Variants in C11orf65 observed in about 807,000 individuals in gnomAD.
C11orf65 encodes the protein chromosome 11 open reading frame 65.
In C11orf65, 38 loss-of-function variants were observed where a neutral mutation model predicts 35.3. That is an observed-to-expected ratio of 1.08 (90% CI 0.83 to 1.41). The LOEUF (loss-of-function observed/expected upper bound fraction) is 1.41, where lower values mean the gene tolerates loss of function less well. Among genes scored for constraint, C11orf65 ranks in the 40% most tolerant of loss-of-function variants. C11orf65 has a pLI of 0.00. For missense variants in C11orf65, 370 were observed against 367.1 expected (o/e 1.01, Z -0.06); for synonymous variants, 105 against 114.4 (o/e 0.92, Z 0.53).
intron 6 of C11orf65, among the ~76,000 whole-genome samples, chr11:108,402,404 G>A (rs919680538): frequency 1.3e-5 from 2 of 152,078 alleles, no homozygotes; most frequent in Non-Finnish European, 2.9e-5. Flanking sequence ...CAAAAGACCT[G>A]GCAGAGTTAA....
At chr11:108,433,296 T>C (rs1229982475) in intron 2 of C11orf65, among the ~76,000 whole-genome samples, 2 of 149,966 alleles carry the variant, frequency 1.3e-5, no homozygotes, top group Non-Finnish European at 1.5e-5. Context: ...TATATATATA[T>C]GCCGGGCTCA....
chr11:108,458,863 T>C (rs1298609121), intron 2 of C11orf65, among the ~76,000 whole-genome samples: 3 of 152,062 alleles, frequency 2.0e-5, no homozygotes, highest in Non-Finnish European at 4.4e-5. Flanking sequence ...TTCTGGTAAA[T>C]GGAAAGTGGT....
chr11:108,463,449 T>C (rs758488179), intron 1 of C11orf65, among the ~76,000 whole-genome samples: 26 of 152,256 alleles, frequency 1.7e-4, no homozygotes, highest in Non-Finnish European at 3.5e-4. Context: ...AGGTTCGCTA[T>C]GAAAAAAACT....
Position 108,348,252 on chromosome 11 carries a change from AAG to A in C11orf65, c.227-12962_227-12961del, listed in dbSNP as rs545034465. On this transcript the variant is annotated intron_variant, in intron 2 of 3. Coordinates refer to the C11orf65 transcript ENST00000524755. ...TATATAGACAGTTTAATATAAAAGA[AAG>A]AGAATATATATAGCTAAGGAATATA... Among the ~76,000 whole-genome samples, 517 of 151,672 alleles carry A rather than the reference AAG, an allele frequency of 3.4e-3. 1 individual carries two copies. Among genetic ancestry groups the A allele is most frequent in the African/African-American group, 8.4e-3 (346 of 41,412 alleles).
At chr11:108,417,476 G>A (rs1257296687) in intron 3 of C11orf65, among the ~76,000 whole-genome samples, 1 of 151,912 alleles carries the variant, frequency 6.6e-6, no homozygotes, top group African/African-American at 2.4e-5. Context: ...CCGGGAGGTG[G>A]AGGTTGCAGT....
chr11:108,459,726 TACACACACACACACAC>T (rs60928526), intron 2 of C11orf65, among the ~76,000 whole-genome samples: 91 of 138,662 alleles, frequency 6.6e-4, no homozygotes, highest in Middle Eastern at 3.5e-3. Flanking sequence ...GTCCTCCGTC[TACACACACACACACAC>T]ACACACACAC....
intron 3 of C11orf65, among the ~76,000 whole-genome samples, chr11:108,428,697 GA>G (rs1168355927): frequency 5.3e-5 from 8 of 152,152 alleles, no homozygotes; most frequent in African/African-American, 1.9e-4. Flanking sequence ...AGCGTTAGGA[GA>G]AATACCTAAT....
At chr11:108,373,811 C>A (rs2091639108) in intron 2 of C11orf65, among the ~76,000 whole-genome samples, 1 of 152,204 alleles carries the variant, frequency 6.6e-6, no homozygotes, top group East Asian at 1.9e-4. Context: ...AAAATCGGGC[C>A]ACTCCCACCC....
intron 2 of C11orf65, among the ~76,000 whole-genome samples, chr11:108,362,497 C>T (rs1463276594): frequency 6.7e-6 from 1 of 149,570 alleles, no homozygotes; most frequent in African/African-American, 2.4e-5. Context: ...GACACATGCA[C>T]ACGTATGTTT....
intron 2 of C11orf65, among the ~76,000 whole-genome samples, chr11:108,360,545 C>T (rs1016635832): frequency 4.3e-5 from 6 of 139,166 alleles, no homozygotes; most frequent in Admixed American, 1.5e-4. Context: ...CAAAAATCCT[C>T]AATAAAATAC....
At chr11:108,408,917 A>G (rs972029327) in intron 3 of C11orf65, among the ~76,000 whole-genome samples, 2 of 151,966 alleles carry the variant, frequency 1.3e-5, no homozygotes, top group African/African-American at 4.8e-5. Context: ...GACAACATTA[A>G]TTTTGCAGAA....
chr11:108,315,780 AT>A (rs778594061), intron 6 of C11orf65: 4 of 1,522,550 alleles, frequency 2.6e-6, no homozygotes, highest in Non-Finnish European at 3.6e-6. Flanking sequence ...TTATAGACCG[AT>A]TTTTTTTCCT....
intron 2 of C11orf65, among the ~76,000 whole-genome samples, chr11:108,358,174 C>T (rs1298030995): frequency 2.0e-5 from 3 of 151,328 alleles, no homozygotes; most frequent in African/African-American, 7.3e-5. Flanking sequence ...CCGATGCGAT[C>T]AACTGGAAGA....
chr11:108,333,022 AT>A, intron 3 of C11orf65: 1 of 1,254,664 alleles, frequency 8.0e-7, no homozygotes, highest in Non-Finnish European at 1.1e-6. Context: ...CAAAAGCTTA[AT>A]TTATATCTGA....
intron 3 of C11orf65, chr11:108,332,677 C>A: frequency 1.4e-6 from 2 of 1,402,966 alleles, no homozygotes; most frequent in Non-Finnish European, 9.8e-7. Flanking sequence ...TGCATAAATT[C>A]TGTTTTTCTC....
downstream of C11orf65, among the ~76,000 whole-genome samples, chr11:108,326,902 C>T (rs1213597993): frequency 2.6e-5 from 4 of 152,194 alleles, no homozygotes; most frequent in South Asian, 2.1e-4. Flanking sequence ...ATCGGCTCAC[C>T]GCAACCTCCA....
At chr11:108,416,831 A>C (rs571149547) in intron 3 of C11orf65, among the ~76,000 whole-genome samples, 13 of 152,174 alleles carry the variant, frequency 8.5e-5, no homozygotes, top group Non-Finnish European at 4.4e-5. Flanking sequence ...CTTTGGAAAA[A>C]GTTTGGCAGT....
intron 2 of C11orf65, among the ~76,000 whole-genome samples, chr11:108,442,341 AC>A (rs2093168293): frequency 6.6e-6 from 1 of 152,208 alleles, no homozygotes; most frequent in African/African-American, 2.4e-5. Flanking sequence ...GATGAAACTT[AC>A]GTCTGATTGG....
intron 6 of C11orf65, among the ~76,000 whole-genome samples, chr11:108,321,745 G>A (rs553547447): frequency 1.2e-4 from 18 of 151,076 alleles, no homozygotes; most frequent in Non-Finnish European, 2.1e-4. Context: ...CCGAGATTGC[G>A]CCATGGATTC....
Sources: gnomAD v4.1 joint callset for allele counts (sites outside exome capture counted in the v4.1 genomes callset) on GRCh38, gnomAD v4.1.1 for gene constraint, MANE v1.5 for transcripts, NCBI Gene and HGNC (gene_info 2026-07-23, HGNC 2026-07-21) for gene names.